The following DNAH17 variants were observed in gnomAD, a reference collection of about 807,000 sequenced individuals.
The protein encoded by DNAH17 is axonemal beta dynein heavy chain 17.
A neutral mutation model predicts 485.6 loss-of-function variants in DNAH17; 376 were observed. That is an observed-to-expected ratio of 0.77 (90% CI 0.71 to 0.84). The LOEUF (loss-of-function observed/expected upper bound fraction) is 0.84, where lower values mean the gene tolerates loss of function less well. DNAH17 is among the 40% of genes least tolerant of loss of function. The pLI is 0.00. For synonymous variants in DNAH17, 3,031 were observed against 2,405.9 expected (o/e 1.26, Z -7.60); for missense variants, 6,370 against 5,839.3 (o/e 1.09, Z -2.96).
chr17:78,437,632 T>C lies in DNAH17; in HGVS notation c.12033+9A>G. The C allele has an allele frequency of 6.3e-7, 1 of 1,598,072 alleles. No homozygotes were observed. The highest frequency in any genetic ancestry group is 8.5e-7 in the Non-Finnish European group (1 of 1,171,468). ...GATGGGGAGGCAGCCCGAGCAGGCG[T>C]GGCCCTACCTGGGTGAACAGGTCCA... On this transcript the variant is annotated intron_variant, in intron 74 of 80. Transcript: ENST00000389840.
chr17:78,536,198 G>A (rs748321180), intron 19 of DNAH17, among the ~76,000 whole-genome samples: 3 of 152,116 alleles, frequency 2.0e-5, no homozygotes, highest in Non-Finnish European at 4.4e-5. Flanking sequence ...CCAGCACTTT[G>A]GGAGGCCAAG....
intron 37 of DNAH17, chr17:78,498,790 A>G (rs1172011206): frequency 2.5e-6 from 1 of 406,966 alleles, no homozygotes; most frequent in Non-Finnish European, 4.4e-6. Context: ...CACGTTTGCT[A>G]CCATACATGT....
At chr17:78,566,921 A>G (rs967994958) in intron 10 of DNAH17, 78 bp downstream of exon 10, 12 of 1,508,554 alleles carry the variant, frequency 8.0e-6, no homozygotes, top group African/African-American at 5.6e-5. Context: ...GTGCCCTCCC[A>G]TCACACCCCT....
chr17:78,537,596 G>A, intron 18 of DNAH17, 115 bp from the exon 19 acceptor site: 1 of 1,241,128 alleles, frequency 8.1e-7, no homozygotes. Context: ...CCACTTATCT[G>A]GGAAGCTTCT....
intron 19 of DNAH17, among the ~76,000 whole-genome samples, chr17:78,535,735 CTTGT>C (rs1307285852): frequency 6.6e-6 from 1 of 152,152 alleles, no homozygotes; most frequent in Non-Finnish European, 1.5e-5. Flanking sequence ...CAGATTTTTG[CTTGT>C]TTAAGCAAAT....
At chr17:78,472,667 G>A (rs1187998444) in intron 54 of DNAH17, 1 of 449,728 alleles carries the variant, frequency 2.2e-6, no homozygotes, top group Non-Finnish European at 4.5e-6. Flanking sequence ...AGCACCTGAA[G>A]GTTTCGGATC....
rs1370513570 is a variant in DNAH17, at chr17:78,485,002, C to T, written c.7515G>A (p.Ser2505=). 1.2e-6 allele frequency: 2 copies of T among 1,612,972 alleles called. No homozygotes were observed. Among genetic ancestry groups the T allele is most frequent in the African/African-American group, 1.3e-5 (1 of 75,024 alleles). Residue 2505 remains serine (S), a synonymous_variant, in exon 48 of 81, where the codon TCG becomes TCA. Coordinates refer to ENST00000389840, the MANE Select transcript of DNAH17 (RefSeq NM_173628.4). ...TGCCTGGCGGCCCGTAGTTCCTCCCCGATTTCTTCTCCAGCGGCTTCTCCA... is the reference window on the plus strand; with the variant it reads ...TGCCTGGCGGCCCGTAGTTCCTCCCTGATTTCTTCTCCAGCGGCTTCTCCA... The part of the protein sequence containing the change: ...GVLEKPLEKK[S]GRNYGPPGTK...
intron 54 of DNAH17, among the ~76,000 whole-genome samples, chr17:78,470,938 A>T (rs185729341): frequency 3.9e-3 from 594 of 152,288 alleles, no homozygotes; most frequent in Middle Eastern, 0.014. Context: ...AGTTTTTTTT[A>T]AAGCATTTTA....
chr17:78,448,896 A>T (rs2087427976), intron 69 of DNAH17, among the ~76,000 whole-genome samples: 1 of 152,194 alleles, frequency 6.6e-6, no homozygotes, highest in Non-Finnish European at 1.5e-5. Flanking sequence ...TGAGAAATAA[A>T]TTTCTATTGT....
chr17:78,563,335 C>T (rs77733435), intron 11 of DNAH17, among the ~76,000 whole-genome samples: 2,978 of 152,116 alleles, frequency 0.02, 97 homozygotes, highest in African/African-American at 0.066. Context: ...CCTTCCTCCA[C>T]GGTCGCCTGC....
chr17:78,494,578 C>T lies in DNAH17; in HGVS notation c.6270+15G>A, dbSNP rs1309144694. On this transcript the variant is annotated intron_variant, in intron 40 of 80. Transcript: ENST00000389840. ...CAGGCTTCTCCGGACAGACCTGAGA[C>T]CCAGGAGTCCCGACCTTTTCAAAAT... 6.2e-7 allele frequency: 1 copy of T among 1,612,526 alleles called. No individual in the cohort carries two copies. The highest frequency in any genetic ancestry group is 1.3e-5 in the African/African-American group (1 of 74,920).
intron 73 of DNAH17, among the ~76,000 whole-genome samples, chr17:78,438,469 A>G (rs1598448658): frequency 5.4e-4 from 9 of 16,528 alleles, no homozygotes; most frequent in East Asian, 1.6e-3. Flanking sequence ...GGAGGAGGAG[A>G]TGCTTTTGTC....
At chr17:78,494,877 G>C (rs1027482220) in intron 39 of DNAH17, 57 bp from the exon 40 acceptor site, 8 of 1,572,570 alleles carry the variant, frequency 5.1e-6, no homozygotes, top group Admixed American at 1.7e-5. Context: ...TGGCCAGCAG[G>C]CAGGTCTGGA....
rs372456231 is a variant in DNAH17 at position 78,450,246 on chromosome 17, G to A, written c.11040+8C>T. ...AGGGAGGCACCCAGCCCCAGCTGCA[G>A]GGCGCACCTTGAGGGAGAACTGGTA... On this transcript the variant is annotated splice_region_variant and intron_variant, in intron 68 of 80. Transcript: ENST00000389840. 15 of 1,613,406 alleles carry A rather than the reference G, an allele frequency of 9.3e-6. No homozygotes were observed. The Admixed American group carries it at 1.3e-4, about 14-fold the overall frequency.
At chr17:78,497,253 CTG>C (rs1252920282) in intron 37 of DNAH17, among the ~76,000 whole-genome samples, 1 of 152,146 alleles carries the variant, frequency 6.6e-6, no homozygotes, top group East Asian at 1.9e-4. Context: ...CAGAAGACAG[CTG>C]TGTCTCTCCA....
In DNAH17 at chr17:78,486,215, G is replaced by C. The variant is rs772825977; in HGVS notation, c.7101+9C>G. On this transcript the variant is annotated intron_variant, in intron 45 of 80. Coordinates refer to ENST00000389840, the MANE Select transcript of DNAH17 (RefSeq NM_173628.4). ...CTGTGTGGGTGGCCGGGCCCCCCAG[G>C]TGCATCACCTGGTCCTGGAACATGG... 4 of 1,587,354 alleles carry C rather than the reference G, an allele frequency of 2.5e-6. No individual in the cohort carries two copies. The highest frequency in any genetic ancestry group is 2.3e-5 in the South Asian group (2 of 86,510).
chr17:78,519,503 T>C (rs1309756799), intron 25 of DNAH17, among the ~76,000 whole-genome samples: 1 of 152,204 alleles, frequency 6.6e-6, no homozygotes, highest in Non-Finnish European at 1.5e-5. Context: ...CAAAAATCTT[T>C]TTCTTTGAAA....
chr17:78,471,469 G>A lies in DNAH17; in HGVS notation c.8512-2586C>T, dbSNP rs148236372. 3.7e-3 allele frequency among the ~76,000 whole-genome samples: 560 copies of A among 152,324 alleles called. 6 individuals carry two copies. The highest frequency in any genetic ancestry group is 0.013 in the African/African-American group (521 of 41,578). On this transcript the variant is annotated intron_variant, in intron 54 of 80. Transcript: ENST00000389840. The stretch of plus-strand genomic sequence containing the variant: ...ATCACTCTTCTCATTTCACAGTGTA[G>A]CAAGGACATTGGGTGGAGACTGACC...
At chr17:78,551,327 GAGC>G (rs1004769908) in intron 16 of DNAH17, among the ~76,000 whole-genome samples, 11 of 152,334 alleles carry the variant, frequency 7.2e-5, no homozygotes, top group South Asian at 2.1e-4. Context: ...CAGCAGAATG[GAGC>G]AGAACTGAAT....
Sources: allele counts gnomAD v4.1 joint callset (sites outside exome capture counted in the v4.1 genomes callset), GRCh38; gene constraint gnomAD v4.1.1; transcripts MANE v1.5; gene names NCBI Gene and HGNC (gene_info 2026-07-23, HGNC 2026-07-21).